Variants in COMMD1 observed in about 807,000 individuals in gnomAD.
COMMD1 encodes the protein copper metabolism domain containing 1.
In COMMD1, 10 loss-of-function variants were observed where a neutral mutation model predicts 17.2. That is an observed-to-expected ratio of 0.58 (90% CI 0.36 to 0.99). The LOEUF (loss-of-function observed/expected upper bound fraction) is 0.99. COMMD1 is among the 50% of genes least tolerant of loss of function. The pLI, the probability that COMMD1 is intolerant of heterozygous loss-of-function variation, is 0.01. For missense variants in COMMD1, 270 were observed against 231.8 expected (o/e 1.17, Z -1.07); for synonymous variants, 97 against 91.6 (o/e 1.06, Z -0.34).
intron 1 of COMMD1, chr2:61,968,972 G>A (rs780522500): frequency 6.1e-6 from 2 of 327,960 alleles, no homozygotes; most frequent in South Asian, 2.3e-5. Flanking sequence ...TTTAAAGACA[G>A]GATCTTGCTG....
intron 1 of COMMD1, among the ~76,000 whole-genome samples, chr2:61,939,829 A>G (rs1345776775): frequency 1.3e-5 from 2 of 152,220 alleles, no homozygotes; most frequent in Non-Finnish European, 2.9e-5. Context: ...TCACAAGCCA[A>G]ACAGGTCATG....
intron 1 of COMMD1, among the ~76,000 whole-genome samples, chr2:61,993,977 CTTCCTTCT>C (rs976748598): frequency 1.3e-5 from 2 of 150,188 alleles, no homozygotes; most frequent in Non-Finnish European, 3.0e-5. Context: ...TCCTTCCTTC[CTTCCTTCT>C]TTCCTTCTTT....
rs540087451 is a variant in COMMD1, at chr2:61,985,919, A to G, written c.181-14782A>G. Among the ~76,000 whole-genome samples the G allele has an allele frequency of 7.2e-5, 11 of 152,290 alleles. No homozygotes were observed. In the East Asian group the frequency reaches 2.1e-3, roughly 29 times the overall value. On this transcript the variant is annotated intron_variant, in intron 1 of 2. Transcript: ENST00000311832. Reference sequence around the variant, plus strand: ...ATGAGTAGTTCACACACCCCAATACAGTATTAGAATATTCTGTGTTTTTTC... The same window carrying G: ...ATGAGTAGTTCACACACCCCAATACGGTATTAGAATATTCTGTGTTTTTTC...
At chr2:62,052,417 C>T (rs1202848946) in intron 2 of COMMD1, among the ~76,000 whole-genome samples, 2 of 152,112 alleles carry the variant, frequency 1.3e-5, no homozygotes, top group African/African-American at 4.8e-5. Context: ...GGCTCTGTCC[C>T]ACGTATCTTC....
At chr2:62,086,409 G>C (rs1171125737) in intron 2 of COMMD1, among the ~76,000 whole-genome samples, 2 of 151,774 alleles carry the variant, frequency 1.3e-5, no homozygotes, top group Non-Finnish European at 2.9e-5. Flanking sequence ...TGCTGGGAAG[G>C]CTGAGGCAGG....
chr2:62,115,237 G>A (rs1361566890), intron 2 of COMMD1, among the ~76,000 whole-genome samples: 3 of 152,204 alleles, frequency 2.0e-5, no homozygotes, highest in Non-Finnish European at 4.4e-5. Flanking sequence ...GTTTATGTCT[G>A]TATGATTTCA....
At chr2:61,917,562 G>A (rs1181661297) in intron 1 of COMMD1, among the ~76,000 whole-genome samples, 1 of 151,366 alleles carries the variant, frequency 6.6e-6, no homozygotes, top group Admixed American at 6.6e-5. Context: ...GAGTCTCGCT[G>A]TGTCTCCCAG....
intron 1 of COMMD1, among the ~76,000 whole-genome samples, chr2:61,916,565 G>T (rs1670056138): frequency 6.6e-6 from 1 of 152,020 alleles, no homozygotes; most frequent in Non-Finnish European, 1.5e-5. Flanking sequence ...GGGACTACAG[G>T]TGTGTGCCAA....
At chr2:62,079,152 C>T (rs1671444267) in intron 2 of COMMD1, among the ~76,000 whole-genome samples, 1 of 152,072 alleles carries the variant, frequency 6.6e-6, no homozygotes, top group Non-Finnish European at 1.5e-5. Flanking sequence ...AGATCTTGTG[C>T]AAGAAAGAAT....
intron 2 of COMMD1, among the ~76,000 whole-genome samples, chr2:62,036,126 A>T (rs915456662): frequency 6.6e-6 from 1 of 151,708 alleles, no homozygotes; most frequent in Non-Finnish European, 1.5e-5. Flanking sequence ...AGGTGTAGGG[A>T]TTTTTTTCTT....
chr2:61,965,331 A>G (rs759444475), intron 1 of COMMD1, among the ~76,000 whole-genome samples: 153 of 152,176 alleles, frequency 1.0e-3, no homozygotes, highest in Non-Finnish European at 1.9e-3. Context: ...CAAGATGGCA[A>G]TTTCTGATAA....
intron 2 of COMMD1, among the ~76,000 whole-genome samples, chr2:62,056,482 A>T (rs1455408801): frequency 6.6e-6 from 1 of 152,244 alleles, no homozygotes; most frequent in Non-Finnish European, 1.5e-5. Context: ...CTTGTGTGAC[A>T]TATTCAACCT....
At chr2:62,119,237 C>T (rs953121273) in intron 2 of COMMD1, among the ~76,000 whole-genome samples, 1 of 152,194 alleles carries the variant, frequency 6.6e-6, no homozygotes, top group Non-Finnish European at 1.5e-5. Context: ...GGAGAAACCA[C>T]ACCTGCTGAC....
intron 1 of COMMD1, among the ~76,000 whole-genome samples, chr2:61,922,068 T>G (rs535032405): frequency 6.6e-6 from 1 of 152,280 alleles, no homozygotes; most frequent in East Asian, 1.9e-4. Flanking sequence ...TTGTAGAAAA[T>G]GATCAGTTTT....
At chr2:62,106,728 T>C (rs1291297731) in intron 2 of COMMD1, among the ~76,000 whole-genome samples, 1 of 152,140 alleles carries the variant, frequency 6.6e-6, no homozygotes, top group Admixed American at 6.5e-5. Context: ...GAATTTGAGT[T>C]AGGGTAGTAA....
At chr2:61,888,763 C>T (rs1371680751) in exon 1 of COMMD1, 1 of 517,130 alleles carries the variant, frequency 1.9e-6, no homozygotes, top group South Asian at 2.5e-5. Context: ...GATTGTACGC[C>T]CGGGGCGCTG....
At chr2:61,897,149 A>T (rs1329422995) in intron 1 of COMMD1, among the ~76,000 whole-genome samples, 3 of 152,146 alleles carry the variant, frequency 2.0e-5, no homozygotes, top group African/African-American at 2.4e-5. Context: ...TCTTAACACC[A>T]GAAATAGGGA....
intron 2 of COMMD1, among the ~76,000 whole-genome samples, chr2:62,097,241 G>C (rs1217255413): frequency 1.3e-5 from 2 of 152,190 alleles, no homozygotes; most frequent in Non-Finnish European, 2.9e-5. Context: ...TGTATTCCAA[G>C]GGCTGGTGCA....
chr2:61,888,622 G>A (rs1572931502), upstream of COMMD1: 15 of 1,301,378 alleles, frequency 1.2e-5, no homozygotes, highest in Admixed American at 2.8e-5. Context: ...TCCAGAAAGC[G>A]GCGCCGGCGT....
Sources: allele counts gnomAD v4.1 joint callset (sites outside exome capture counted in the v4.1 genomes callset), GRCh38; gene constraint gnomAD v4.1.1; transcripts MANE v1.5; gene names NCBI Gene and HGNC (gene_info 2026-07-23, HGNC 2026-07-21).